The following ECE1 variants were observed in gnomAD, a reference collection of about 807,000 sequenced individuals.
ECE1 encodes endothelin converting enzyme 1.
ECE1 carries 35 observed loss-of-function variants against 98.6 expected under a neutral mutation model. That is an observed-to-expected ratio of 0.35 (90% CI 0.27 to 0.47). The LOEUF (loss-of-function observed/expected upper bound fraction) is 0.47, where lower values mean the gene tolerates loss of function less well. Among genes scored for constraint, ECE1 ranks in the 20% least tolerant of loss-of-function variants. The pLI, the probability that ECE1 is intolerant of heterozygous loss-of-function variation, is 1.00. For missense variants in ECE1, 814 were observed against 1,025.3 expected, an observed-to-expected ratio of 0.79 and a Z score of 2.81; for synonymous variants, 394 against 407.1, an observed-to-expected ratio of 0.97 and a Z score of 0.39.
At chr1:21,294,011 T>TC (rs1638279658), upstream of ECE1, 1 of 152,176 alleles carries the variant, frequency 6.6e-6, no homozygotes, top group Admixed American at 6.6e-5. The surrounding 1 kb of genome is among the most constrained non-coding windows in gnomAD (Gnocchi z 4.2). Context: ...AGAAAGGACC[T>TC]CCCCCCAGCC....
chr1:21,318,701 C>G (rs1569747272), intron 1 of ECE1, among the ~76,000 whole-genome samples: 1 of 152,054 alleles, frequency 6.6e-6, no homozygotes, highest in South Asian at 2.1e-4. Context: ...GAGAGGCAGG[C>G]GACACCCCTG....
Position 21,233,483 on chromosome 1 carries a change from G to T in ECE1, c.1670+75C>A. 1 of 1,382,182 alleles carries T rather than the reference G, an allele frequency of 7.2e-7. No individual in the cohort carries two copies. Among genetic ancestry groups the T allele is most frequent in the Non-Finnish European group, 1.0e-6 (1 of 976,980 alleles). The allele number at this position is 1,382,182 out of a possible 1,614,324, so 85.6% of individuals were successfully genotyped here. ...ATCGGGTGCACAGTGAGGGTGCAAT[G>T]AAGGCCAGTTCGTCCCAAGGCTTGC... On this transcript the variant is annotated intron_variant, in intron 14 of 18. Transcript: ENST00000374893. This position sits in a 1 kb window ranked among gnomAD's most constrained non-coding sequence, Gnocchi z 4.0.
chr1:21,258,608 C>T lies in ECE1; in HGVS notation c.762+85G>A. On this transcript the variant is annotated intron_variant, in intron 6 of 18. Transcript: ENST00000374893. The surrounding 1 kb of genome is among the most constrained non-coding windows in gnomAD (Gnocchi z 4.2). Reference sequence around the variant, plus strand: ...CCGCCGTCCCACCCAGGGCAAGCCCCTCTCCCACCCCAGGTCCTGCTAAAC... The same window carrying T: ...CCGCCGTCCCACCCAGGGCAAGCCCTTCTCCCACCCCAGGTCCTGCTAAAC... 6.7e-7 allele frequency: 1 copy of T among 1,500,974 alleles called. No individual in the cohort carries two copies. The highest frequency in any genetic ancestry group is 1.1e-5 in the South Asian group (1 of 88,758). The allele number at this position is 1,500,974 out of a possible 1,614,324, so 93.0% of individuals were successfully genotyped here. A position where few individuals can be genotyped will look rare whatever the true frequency, so the allele number is the denominator to read the frequency against.
chr1:21,247,985 G>A (rs1164795717), intron 8 of ECE1, among the ~76,000 whole-genome samples: 1 of 152,190 alleles, frequency 6.6e-6, no homozygotes, highest in East Asian at 1.9e-4. Flanking sequence ...ATGGGATTCT[G>A]TAAGTAACAT....
Position 21,236,378 on chromosome 1 carries a change from GGTGGCT to G in ECE1, c.1488+362_1488+367del, listed in dbSNP as rs1274832294. On this transcript the variant is annotated intron_variant, in intron 12 of 18. Coordinates refer to ENST00000374893, the MANE Select transcript of ECE1 (RefSeq NM_001397.3). ...GGACAGAACTGGCCTCACCGGGCGC[GGTGGCT>G]TATGCCTATAATGCCAGCGCTTTGG... Among the ~76,000 whole-genome samples the G allele has an allele frequency of 3.3e-4, 51 of 152,386 alleles. No individual in the cohort carries two copies. In the East Asian group the frequency reaches 9.4e-3, roughly 28 times the overall value.
At chr1:21,324,053 C>G (rs1464445022) in intron 1 of ECE1, among the ~76,000 whole-genome samples, 1 of 152,046 alleles carries the variant, frequency 6.6e-6, no homozygotes, top group Non-Finnish European at 1.5e-5. Flanking sequence ...AACTCCTGAC[C>G]TCAAGTGATC....
At position 21,340,227 on chromosome 1, in the gene ECE1, G is replaced by C. The variant is rs1285107053; in HGVS notation, c.3+5149C>G. ...CTCTATTAAAGGCTCTGGAGACCAG[G>C]GCCCTCGGCTGGTTATCTGCCTGAA... On this transcript the variant is annotated intron_variant, in intron 1 of 18. Coordinates refer to the ECE1 transcript ENST00000415912. The surrounding 1 kb of genome is among the most constrained non-coding windows in gnomAD (Gnocchi z 4.6). Among the ~76,000 whole-genome samples, 1 of 152,196 alleles carries C rather than the reference G, an allele frequency of 6.6e-6. No homozygotes were observed. Among genetic ancestry groups the C allele is most frequent in the Non-Finnish European group, 1.5e-5 (1 of 68,036 alleles).
In ECE1 at chr1:21,330,226, C is replaced by CTTT. The variant is rs71014186; in HGVS notation, c.3+15147_3+15149dup. 1.4e-4 allele frequency among the ~76,000 whole-genome samples: 6 copies of CTTT among 43,404 alleles called. 1 individual carries two copies. Among genetic ancestry groups the CTTT allele is most frequent in the Admixed American group, 7.7e-4 (3 of 3,878 alleles). 28.5% of individuals were successfully genotyped at this position (43,404 alleles called of 152,430 possible). On this transcript the variant is annotated intron_variant, in intron 1 of 18. Transcript: ENST00000415912. Reference sequence around the variant, plus strand: ...CTCCTGCCCACATACTCGCCAAATACTTTTTTTTTTTTTTTTTTTTTTTTT... The same window carrying CTTT: ...CTCCTGCCCACATACTCGCCAAATACTTTTTTTTTTTTTTTTTTTTTTTTTTTT...
chr1:21,263,096 AG>A (rs1012770471), intron 4 of ECE1, among the ~76,000 whole-genome samples: 7 of 152,178 alleles, frequency 4.6e-5, no homozygotes, highest in Non-Finnish European at 1.0e-4. Context: ...GCCCCGGGGA[AG>A]CTTCGTTTGA....
intron 8 of ECE1, among the ~76,000 whole-genome samples, chr1:21,249,078 T>TA (rs1385107851): frequency 6.6e-6 from 1 of 151,516 alleles, no homozygotes; most frequent in Non-Finnish European, 1.5e-5. Context: ...TTGCGCAACT[T>TA]AAAAAAAATT....
At chr1:21,262,091 G>T (rs1046854273) in intron 4 of ECE1, among the ~76,000 whole-genome samples, 2 of 152,092 alleles carry the variant, frequency 1.3e-5, no homozygotes, top group Non-Finnish European at 2.9e-5. Context: ...TCAGAGCATC[G>T]AGCCCCGGTC....
In ECE1 at chr1:21,223,840, C is replaced by T. The variant is rs528374420; in HGVS notation, c.2040+1410G>A. Among the ~76,000 whole-genome samples the T allele has an allele frequency of 6.1e-3, 935 of 152,112 alleles. 4 individuals carry two copies. The highest frequency in any genetic ancestry group is 8.8e-3 in the Non-Finnish European group (599 of 67,996). On this transcript the variant is annotated intron_variant, in intron 17 of 18. Coordinates refer to ENST00000374893, the MANE Select transcript of ECE1 (RefSeq NM_001397.3). ...CTTGAACTCCTGGCCTCAAATGATCCGCCCACCTCGGCCTCCCAAAGTGCT... is the reference window on the plus strand; with the variant it reads ...CTTGAACTCCTGGCCTCAAATGATCTGCCCACCTCGGCCTCCCAAAGTGCT...
chr1:21,227,203 C>A lies in ECE1; in HGVS notation c.1805G>T (p.Gly602Val). 1.2e-6 allele frequency: 2 copies of A among 1,614,154 alleles called. No homozygotes were observed. The highest frequency in any genetic ancestry group is 1.7e-6 in the Non-Finnish European group (2 of 1,179,988). The change falls in exon 16 of 19, where the codon GGT becomes GTT. Residue 602 changes from glycine to valine, a missense_variant. This residue lies in a region of ECE1 where 452 missense variants were observed against 567.3 expected (regional missense o/e 0.80). Coordinates refer to ENST00000374893, the MANE Select transcript of ECE1 (RefSeq NM_001397.3). The part of the protein sequence containing the change: ...SPKALNFGGI[G>V]VVVGHELTHA... ...AGTCAGCTCATGGCCCACGACGACA[C>A]CTATGCCACCAAAGTTTAAGGCCCT...
chr1:21,264,520 G>T (rs183537037), intron 4 of ECE1, among the ~76,000 whole-genome samples: 6 of 152,176 alleles, frequency 3.9e-5, no homozygotes, highest in African/African-American at 1.4e-4. Context: ...TCACTGTGTT[G>T]GCCAGGCTGT....
intron 3 of ECE1, among the ~76,000 whole-genome samples, chr1:21,275,381 G>C (rs2098245337): frequency 6.6e-6 from 1 of 152,168 alleles, no homozygotes; most frequent in South Asian, 2.1e-4. Context: ...GATCACCTGA[G>C]GTCAGGAGTT....
At chr1:21,270,669 A>G (rs1401443005) in intron 4 of ECE1, among the ~76,000 whole-genome samples, 1 of 152,218 alleles carries the variant, frequency 6.6e-6, no homozygotes, top group Non-Finnish European at 1.5e-5. Context: ...CAGTAGCATC[A>G]ATACAAACAG....
chr1:21,258,592 CACCCAGGGCAAG>C lies in ECE1; in HGVS notation c.762+89_762+100del. On this transcript the variant is annotated intron_variant, in intron 6 of 18. Coordinates refer to ENST00000374893, the MANE Select transcript of ECE1 (RefSeq NM_001397.3). The surrounding 1 kb of genome is among the most constrained non-coding windows in gnomAD (Gnocchi z 4.2). The stretch of plus-strand genomic sequence containing the variant: ...CTCAGAAACTAGAAGACCGCCGTCC[CACCCAGGGCAAG>C]CCCCTCTCCCACCCCAGGTCCTGCT... 8.8e-7 allele frequency: 1 copy of C among 1,137,760 alleles called. No individual in the cohort carries two copies. The highest frequency in any genetic ancestry group is 1.3e-6 in the Non-Finnish European group (1 of 771,162). 70.5% of individuals were successfully genotyped at this position (1,137,760 alleles called of 1,614,324 possible).
At chr1:21,268,618 C>G (rs1204747335) in intron 4 of ECE1, among the ~76,000 whole-genome samples, 1 of 152,234 alleles carries the variant, frequency 6.6e-6, no homozygotes, top group Admixed American at 6.5e-5. Context: ...CACTGGCACT[C>G]TAAATGTCCC....
chr1:21,239,908 T>C (rs1278733619), intron 10 of ECE1, among the ~76,000 whole-genome samples: 1 of 152,146 alleles, frequency 6.6e-6, no homozygotes, highest in Non-Finnish European at 1.5e-5. Flanking sequence ...TGGTGGCTCA[T>C]GCCTGTAATC....
Sources: allele counts gnomAD v4.1 joint callset (sites outside exome capture counted in the v4.1 genomes callset), GRCh38; gene constraint gnomAD v4.1.1; regional missense constraint gnomAD v4.1.1; non-coding constraint Gnocchi (gnomAD v3.1); transcripts MANE v1.5; gene names NCBI Gene and HGNC (gene_info 2026-07-23, HGNC 2026-07-21).